The following NAALADL2 variants were observed in gnomAD, a reference collection of about 807,000 sequenced individuals.
NAALADL2 encodes the protein inactive N-acetylated-alpha-linked acidic dipeptidase-like protein 2.
NAALADL2 carries 76 observed loss-of-function variants against 87.2 expected under a neutral mutation model. The ratio of observed to expected loss-of-function variants is 0.87; its 90% CI spans 0.72 to 1.05. The LOEUF is 1.05. Among genes scored for constraint, NAALADL2 ranks in the 50% least tolerant of loss-of-function variants. The probability of loss-of-function intolerance (pLI) is 0.00; values close to 1 mark genes in which losing one functional copy is unlikely to be tolerated. For missense variants in NAALADL2, 1,089 were observed against 945.8 expected (o/e 1.15, Z -1.99); for synonymous variants, 354 against 331.0 (o/e 1.07, Z -0.75).
At chr3:174,902,355 T>G (rs1732418163) in intron 1 of NAALADL2, among the ~76,000 whole-genome samples, 1 of 152,138 alleles carries the variant, frequency 6.6e-6, no homozygotes, top group Admixed American at 6.6e-5. Flanking sequence ...GTATGTAAAG[T>G]ACCTATTATA....
chr3:175,383,538 T>G (rs1024616249), intron 5 of NAALADL2, among the ~76,000 whole-genome samples: 4 of 152,076 alleles, frequency 2.6e-5, no homozygotes, highest in Non-Finnish European at 5.9e-5. Context: ...TCCTCCTGTC[T>G]AAATAAAACT....
At chr3:175,715,043 G>A (rs115873638) in intron 11 of NAALADL2, among the ~76,000 whole-genome samples, 22 of 152,224 alleles carry the variant, frequency 1.4e-4, no homozygotes, top group African/African-American at 5.3e-4. Context: ...TAATGTTTGA[G>A]AAAGATCAGA....
At chr3:174,810,044 G>A (rs757403178) in intron 3 of NAALADL2, among the ~76,000 whole-genome samples, 1 of 152,172 alleles carries the variant, frequency 6.6e-6, no homozygotes, top group Non-Finnish European at 1.5e-5. Flanking sequence ...GGCCTCCTCA[G>A]AAGCAGATGC....
chr3:175,348,972 A>G (rs1763447556), intron 5 of NAALADL2, among the ~76,000 whole-genome samples: 1 of 152,168 alleles, frequency 6.6e-6, no homozygotes, highest in Non-Finnish European at 1.5e-5. Flanking sequence ...ATCTTACCAA[A>G]TGGATACTTA....
chr3:175,131,194 T>C (rs1727795555), intron 2 of NAALADL2, among the ~76,000 whole-genome samples: 1 of 151,008 alleles, frequency 6.6e-6, no homozygotes, highest in African/African-American at 2.4e-5. Flanking sequence ...TGGGTGTTTC[T>C]CGCAGAGGGG....
In NAALADL2 at chr3:175,197,701, T is replaced by C. The variant is rs184412995; in HGVS notation, c.546-36230T>C. ...GGCATTCTTATCAACATCAGAAACA[T>C]AGATACAGACCAAACTATCTGACAT... On this transcript the variant is annotated intron_variant, in intron 2 of 13. Coordinates refer to ENST00000454872, the MANE Select transcript of NAALADL2 (RefSeq NM_207015.3). Among the ~76,000 whole-genome samples the C allele has an allele frequency of 1.5e-3, 228 of 152,138 alleles. 1 individual carries two copies. Among genetic ancestry groups the C allele is most frequent in the African/African-American group, 4.8e-3 (200 of 41,548 alleles).
intron 2 of NAALADL2, among the ~76,000 whole-genome samples, chr3:174,638,263 T>C (rs756229119): frequency 6.6e-6 from 1 of 152,214 alleles, no homozygotes; most frequent in Non-Finnish European, 1.5e-5. Flanking sequence ...CTAGTTTATA[T>C]AGGCTTTTTG....
chr3:174,952,884 A>G (rs933578972), intron 1 of NAALADL2, among the ~76,000 whole-genome samples: 1 of 152,020 alleles, frequency 6.6e-6, no homozygotes, highest in Non-Finnish European at 1.5e-5. Flanking sequence ...AATATTTTTG[A>G]TCATTTTAGT....
At chr3:175,238,867 C>A (rs1746363367) in intron 3 of NAALADL2, among the ~76,000 whole-genome samples, 1 of 152,050 alleles carries the variant, frequency 6.6e-6, no homozygotes, top group African/African-American at 2.4e-5. Flanking sequence ...TCTTGCAGAG[C>A]CATTAACAAG....
intron 2 of NAALADL2, among the ~76,000 whole-genome samples, chr3:174,564,960 G>C (rs1714071256): frequency 6.6e-6 from 1 of 151,684 alleles, no homozygotes; most frequent in Middle Eastern, 3.5e-3. Flanking sequence ...AGTTTTTTTA[G>C]AAAATTGATA....
intron 9 of NAALADL2, among the ~76,000 whole-genome samples, chr3:175,497,689 A>G (rs147632123): frequency 1.7e-4 from 26 of 152,198 alleles, no homozygotes; most frequent in Admixed American, 4.6e-4. Flanking sequence ...GATTTTGTGA[A>G]AATAGCTAAC....
chr3:175,556,183 A>G (rs1317201385), intron 9 of NAALADL2, among the ~76,000 whole-genome samples: 1 of 152,172 alleles, frequency 6.6e-6, no homozygotes, highest in East Asian at 1.9e-4. Flanking sequence ...CTAAGAAAAT[A>G]AGGTTCAAAC....
intron 13 of NAALADL2, among the ~76,000 whole-genome samples, chr3:175,800,487 C>T (rs1241422591): frequency 2.6e-5 from 4 of 151,442 alleles, no homozygotes; most frequent in African/African-American, 4.9e-5. Context: ...AGAGATAGTT[C>T]CCATTTAAAT....
At chr3:175,689,972 T>C (rs1223323699) in intron 11 of NAALADL2, among the ~76,000 whole-genome samples, 2 of 152,118 alleles carry the variant, frequency 1.3e-5, no homozygotes, top group African/African-American at 4.8e-5. Flanking sequence ...TAAGCAAATA[T>C]ACTGAAATGC....
intron 2 of NAALADL2, among the ~76,000 whole-genome samples, chr3:174,718,370 G>T (rs567171001): frequency 6.8e-4 from 103 of 152,088 alleles, no homozygotes; most frequent in Non-Finnish European, 1.1e-3. Context: ...AAAATAGGAG[G>T]TTACAGTCAT....
chr3:174,993,958 G>A (rs963360789), intron 1 of NAALADL2, among the ~76,000 whole-genome samples: 1 of 152,120 alleles, frequency 6.6e-6, no homozygotes, highest in Non-Finnish European at 1.5e-5. Context: ...TTCTCCCTGT[G>A]TGTCTATGTC....
At chr3:174,996,478 C>T (rs1391890144) in intron 1 of NAALADL2, among the ~76,000 whole-genome samples, 1 of 146,554 alleles carries the variant, frequency 6.8e-6, no homozygotes, top group Non-Finnish European at 1.5e-5. Flanking sequence ...GCCTGGGCAA[C>T]AGAGCAAGAC....
At chr3:174,712,258 T>A (rs559046378) in intron 2 of NAALADL2, among the ~76,000 whole-genome samples, 191 of 152,234 alleles carry the variant, frequency 1.3e-3, no homozygotes, top group Non-Finnish European at 1.7e-3. Flanking sequence ...TATTTAATAA[T>A]TTCTAATGGG....
chr3:175,315,946 A>G (rs1269271507), intron 4 of NAALADL2, among the ~76,000 whole-genome samples: 2 of 152,214 alleles, frequency 1.3e-5, no homozygotes, highest in Non-Finnish European at 2.9e-5. Flanking sequence ...AATTTCATAT[A>G]TGACCCTATA....
Sources: allele counts gnomAD v4.1 joint callset (sites outside exome capture counted in the v4.1 genomes callset), GRCh38; gene constraint gnomAD v4.1.1; transcripts MANE v1.5; gene names NCBI Gene and HGNC (gene_info 2026-07-23, HGNC 2026-07-21).